ANOS1: variants seen among roughly 807,000 people sequenced by gnomAD.
ANOS1 encodes the protein anosmin-1.
A neutral mutation model predicts 59.0 loss-of-function variants in ANOS1; 6 were observed. That is an observed-to-expected ratio of 0.10 (90% CI 0.06 to 0.20). ANOS1 has a LOEUF of 0.20. Ranked by LOEUF, ANOS1 falls within the 10% of genes least tolerant of loss-of-function variation. The probability of loss-of-function intolerance (pLI) is 1.00; values close to 1 mark genes in which losing one functional copy is unlikely to be tolerated. For missense variants in ANOS1, 433 were observed against 542.3 expected (o/e 0.80, Z 2.00); for synonymous variants, 217 against 223.4 (o/e 0.97, Z 0.25).
intron 2 of ANOS1, among the ~76,000 whole-genome samples, chrX:8,675,361 A>G (rs1425864686): frequency 1.8e-5 from 2 of 112,046 alleles, no homozygotes; most frequent in Non-Finnish European, 3.8e-5. Context: ...GAAAGGCAGC[A>G]TCTCAAAGGA....
chrX:8,593,565 A>G, intron 4 of ANOS1, among the ~76,000 whole-genome samples: 1 of 112,121 alleles, frequency 8.9e-6, no homozygotes, highest in South Asian at 3.7e-4. Flanking sequence ...AAACAATCCC[A>G]TGTTATTCAT....
chrX:8,691,596 T>C (rs1932609354), intron 2 of ANOS1, among the ~76,000 whole-genome samples: 1 of 111,809 alleles, frequency 8.9e-6, no homozygotes. Flanking sequence ...TACAAATATA[T>C]GCAAAATGTT....
In ANOS1 at chrX:8,570,607, G is replaced by A. The variant is rs763444046; in HGVS notation, c.954C>T (p.Pro318=). 28 of 1,208,802 alleles carry A rather than the reference G, an allele frequency of 2.3e-5. No homozygotes were observed. The highest frequency in any genetic ancestry group is 2.3e-4 in the Middle Eastern group (1 of 4,368). Residue 318 remains proline (P), a synonymous_variant, in exon 7 of 14, where the codon CCC becomes CCT. Transcript: ENST00000262648. Reference sequence around the variant, plus strand: ...GATGCACAGGGATGTCCGGCTCCTCGGGGAGATCCCAAACTATAGTGACGG... The same window carrying A: ...GATGCACAGGGATGTCCGGCTCCTCAGGGAGATCCCAAACTATAGTGACGG... The part of the protein sequence containing the change: ...SVTVTIVWDL[P]EEPDIPVHHY...
intron 6 of ANOS1, among the ~76,000 whole-genome samples, chrX:8,574,267 T>C (rs1378790285): frequency 9.4e-6 from 1 of 105,997 alleles, no homozygotes; most frequent in African/African-American, 3.5e-5. Flanking sequence ...GTGGTGACCC[T>C]ATTTAAAATA....
intron 6 of ANOS1, among the ~76,000 whole-genome samples, chrX:8,581,264 G>T (rs1363884118): frequency 1.8e-5 from 2 of 111,012 alleles, no homozygotes; most frequent in Non-Finnish European, 3.8e-5. Context: ...GATCTGATGG[G>T]TTTATCAGGG....
chrX:8,581,730 G>A (rs1930428355), intron 6 of ANOS1, among the ~76,000 whole-genome samples: 1 of 111,776 alleles, frequency 8.9e-6, no homozygotes, highest in South Asian at 3.8e-4. Flanking sequence ...ATGTAGAAAA[G>A]AGCCTCACTG....
At chrX:8,721,495 T>C (rs1200813106) in intron 1 of ANOS1, among the ~76,000 whole-genome samples, 1 of 112,061 alleles carries the variant, frequency 8.9e-6, no homozygotes, top group Non-Finnish European at 1.9e-5. Context: ...TCCAAAACAC[T>C]GTAAAATGCA....
At chrX:8,567,771 G>A (rs1930143466) in intron 8 of ANOS1, among the ~76,000 whole-genome samples, 1 of 111,400 alleles carries the variant, frequency 9.0e-6, no homozygotes, top group East Asian at 2.8e-4. Flanking sequence ...TCCAGCCTGG[G>A]TGACAGAGCT....
chrX:8,654,965 G>C (rs181174369), intron 2 of ANOS1, among the ~76,000 whole-genome samples: 51 of 111,894 alleles, frequency 4.6e-4, no homozygotes, highest in African/African-American at 1.5e-3. Flanking sequence ...GATTATCTAT[G>C]GCTGCTTTCA....
At chrX:8,570,140 C>CAA (rs34481364) in intron 7 of ANOS1, among the ~76,000 whole-genome samples, 45 of 73,804 alleles carry the variant, frequency 6.1e-4, no homozygotes, top group Admixed American at 1.1e-3. Context: ...CTCTCTCTCT[C>CAA]AAAAAAAAAA....
At chrX:8,671,718 G>C (rs1197231781) in intron 2 of ANOS1, among the ~76,000 whole-genome samples, 1 of 108,339 alleles carries the variant, frequency 9.2e-6, no homozygotes. Context: ...CAGTATACAA[G>C]TATACAAGAC....
At chrX:8,602,378 G>A (rs1930859374) in intron 3 of ANOS1, among the ~76,000 whole-genome samples, 1 of 111,549 alleles carries the variant, frequency 9.0e-6, no homozygotes, top group African/African-American at 3.3e-5. Context: ...GTCTCCAGTA[G>A]GAAATCCTGT....
At chrX:8,728,474 G>A (rs1175450319) in intron 1 of ANOS1, among the ~76,000 whole-genome samples, 1 of 111,756 alleles carries the variant, frequency 8.9e-6, no homozygotes. Flanking sequence ...GGAAGGTGAT[G>A]TGATGCACCC....
chrX:8,576,146 G>A (rs1930316800), intron 6 of ANOS1, among the ~76,000 whole-genome samples: 1 of 110,325 alleles, frequency 9.1e-6, no homozygotes, highest in Non-Finnish European at 1.9e-5. Flanking sequence ...AAAACCAAAA[G>A]AGAGTGGCAG....
At chrX:8,702,507 C>A (rs909783009) in intron 1 of ANOS1, among the ~76,000 whole-genome samples, 5 of 111,695 alleles carry the variant, frequency 4.5e-5, no homozygotes, top group African/African-American at 6.5e-5. Flanking sequence ...GGCAGGGCAG[C>A]TTTGAAGAAC....
At chrX:8,689,555 T>A (rs1932573651) in intron 2 of ANOS1, among the ~76,000 whole-genome samples, 1 of 108,117 alleles carries the variant, frequency 9.2e-6, no homozygotes, top group African/African-American at 3.4e-5. Context: ...ATAATAATAA[T>A]AAATTACCCA....
intron 2 of ANOS1, among the ~76,000 whole-genome samples, chrX:8,676,357 GA>G (rs746388982): frequency 8.9e-6 from 1 of 112,004 alleles, no homozygotes; most frequent in South Asian, 3.7e-4. Flanking sequence ...GAAGCTAAAG[GA>G]AAACTAAGAC....
intron 3 of ANOS1, among the ~76,000 whole-genome samples, chrX:8,600,143 G>A (rs779192394): frequency 2.9e-4 from 32 of 111,578 alleles, no homozygotes; most frequent in Non-Finnish European, 5.3e-4. Flanking sequence ...AAGAGTTGAC[G>A]GCAAATGTTA....
At chrX:8,729,818 CACTT>C (rs999236130) in intron 1 of ANOS1, among the ~76,000 whole-genome samples, 6 of 103,483 alleles carry the variant, frequency 5.8e-5, no homozygotes, top group African/African-American at 2.1e-4. Context: ...ATCTTAAAAA[CACTT>C]AATCCCTGCA....
Sources: gnomAD v4.1 joint callset for allele counts (sites outside exome capture counted in the v4.1 genomes callset) on GRCh38, gnomAD v4.1.1 for gene constraint, MANE v1.5 for transcripts, NCBI Gene and HGNC (gene_info 2026-07-23, HGNC 2026-07-21) for gene names.